Variants in ZBBX observed in about 807,000 individuals in gnomAD.
ZBBX encodes zinc finger B-box domain-containing protein 1.
Under a neutral mutation model 108.5 loss-of-function variants are expected in ZBBX, and 101 were observed. The ratio of observed to expected loss-of-function variants is 0.93; its 90% CI spans 0.79 to 1.10. The LOEUF (loss-of-function observed/expected upper bound fraction) is 1.10, where lower values mean the gene tolerates loss of function less well. Among genes scored for constraint, ZBBX ranks in the 50% least tolerant of loss-of-function variants. The probability of loss-of-function intolerance (pLI) is 0.00; values close to 1 mark genes in which losing one functional copy is unlikely to be tolerated. For missense variants in ZBBX, 1,009 were observed against 941.4 expected (o/e 1.07, Z -0.94); for synonymous variants, 356 against 323.4 (o/e 1.10, Z -1.08).
At chr3:167,261,260 G>C (rs868494600) in intron 20 of ZBBX, among the ~76,000 whole-genome samples, 1 of 151,960 alleles carries the variant, frequency 6.6e-6, no homozygotes, top group African/African-American at 2.4e-5. Context: ...ACTCTGTGAG[G>C]TTCTTAGCTT....
chr3:167,327,837 C>G, intron 11 of ZBBX, 105 bp downstream of exon 11: 1 of 1,126,006 alleles, frequency 8.9e-7, no homozygotes, highest in South Asian at 1.7e-5. Flanking sequence ...TTACTTGAAC[C>G]CGGAAGGTGG....
At chr3:167,245,112 C>T (rs1721323451) in intron 20 of ZBBX, among the ~76,000 whole-genome samples, 1 of 152,128 alleles carries the variant, frequency 6.6e-6, no homozygotes, top group South Asian at 2.1e-4. Flanking sequence ...TATCTACATC[C>T]TAATATTAAA....
intron 17 of ZBBX, among the ~76,000 whole-genome samples, chr3:167,304,542 G>C (rs940578226): frequency 2.0e-5 from 3 of 152,076 alleles, no homozygotes; most frequent in Admixed American, 2.0e-4. Flanking sequence ...ACTTACTTCT[G>C]TCAGATACAT....
intron 11 of ZBBX, among the ~76,000 whole-genome samples, chr3:167,322,684 C>G (rs1159912687): frequency 1.3e-5 from 2 of 152,002 alleles, no homozygotes; most frequent in Non-Finnish European, 2.9e-5. Context: ...AAATTTATAT[C>G]TACATGGTAA....
downstream of ZBBX, among the ~76,000 whole-genome samples, chr3:167,238,918 T>TG (rs1229848535): frequency 3.9e-5 from 6 of 152,284 alleles, no homozygotes; most frequent in African/African-American, 1.4e-4. Flanking sequence ...CTGGCTGTAT[T>TG]GGGTTCTCCA....
At position 167,319,658 on chromosome 3, in the gene ZBBX, A is replaced by G. The variant is rs184009040; in HGVS notation, c.984-2061T>C. 1.7e-3 allele frequency among the ~76,000 whole-genome samples: 259 copies of G among 152,120 alleles called. 1 individual carries two copies. The highest frequency in any genetic ancestry group is 6.0e-3 in the African/African-American group (248 of 41,540). ...GCTACAGATAAAAGCATGACACACA[A>G]AGACTGTACTCTAGGTGGAAAATTT... On this transcript the variant is annotated intron_variant, in intron 12 of 21. Transcript: ENST00000675490.
Position 167,277,513 on chromosome 3 carries a change from T to C in ZBBX, c.2254+4725A>G, listed in dbSNP as rs542339479. Among the ~76,000 whole-genome samples the C allele has an allele frequency of 1.4e-4, 22 of 152,240 alleles. No individual in the cohort carries two copies. The South Asian group carries it at 4.6e-3, about 32-fold the overall frequency. On this transcript the variant is annotated intron_variant, in intron 20 of 21. Transcript: ENST00000675490. ...AAAAGAGACAAAGAAGGCCATTACA[T>C]AATGGTAAAGGGATCAATTCAACAA...
chr3:167,212,414 C>A, the ZBBX span, among the ~76,000 whole-genome samples: 1 of 152,168 alleles, frequency 6.6e-6, no homozygotes, highest in East Asian at 1.9e-4. Context: ...TCTGCCACTG[C>A]CTCTGCAGTG....
At chr3:167,215,714 G>A in the ZBBX span, among the ~76,000 whole-genome samples, 67 of 152,136 alleles carry the variant, frequency 4.4e-4, no homozygotes, top group African/African-American at 1.3e-3. Context: ...CATGAACATC[G>A]ATGCAAAAAT....
chr3:167,191,896 C>CATATACATATAT, the ZBBX span, among the ~76,000 whole-genome samples: 1 of 67,950 alleles, frequency 1.5e-5, no homozygotes, highest in East Asian at 9.1e-4. Flanking sequence ...TTACAAAAAT[C>CATATACATATAT]ATATATATAT....
At chr3:167,381,593 G>T (rs1385896683), upstream of ZBBX, among the ~76,000 whole-genome samples, 1 of 152,112 alleles carries the variant, frequency 6.6e-6, no homozygotes, top group Non-Finnish European at 1.5e-5. Flanking sequence ...AGTTTCAGGT[G>T]GATGTGCGAT....
intron 1 of ZBBX, among the ~76,000 whole-genome samples, chr3:167,396,700 C>A (rs187217934): frequency 6.6e-6 from 1 of 151,916 alleles, no homozygotes; most frequent in East Asian, 1.9e-4. Context: ...GATAATGACA[C>A]CCTAATGTCT....
intron 1 of ZBBX, chr3:167,399,636 T>C (rs1350561074): frequency 2.6e-5 from 4 of 152,144 alleles, no homozygotes; most frequent in African/African-American, 9.7e-5. Context: ...TGCAAGGTCA[T>C]GGAGGTAAGA....
At chr3:167,376,771 T>G (rs1747026964) in intron 2 of ZBBX, among the ~76,000 whole-genome samples, 2 of 152,182 alleles carry the variant, frequency 1.3e-5, no homozygotes, top group Non-Finnish European at 2.9e-5. Context: ...ATATTTTATC[T>G]AGTCACCTAC....
At chr3:167,386,695 C>T (rs895180745) in intron 1 of ZBBX, among the ~76,000 whole-genome samples, 1 of 151,950 alleles carries the variant, frequency 6.6e-6, no homozygotes, top group Non-Finnish European at 1.5e-5. Flanking sequence ...AAAAGCTCAT[C>T]TTAAAAAGAA....
chr3:167,281,855 A>T (rs918299211), intron 20 of ZBBX, among the ~76,000 whole-genome samples: 1 of 152,198 alleles, frequency 6.6e-6, no homozygotes, highest in Non-Finnish European at 1.5e-5. Context: ...GCACTGCTTT[A>T]AAAGATCTAA....
At chr3:167,386,361 G>A (rs1488291733) in intron 1 of ZBBX, among the ~76,000 whole-genome samples, 1 of 151,912 alleles carries the variant, frequency 6.6e-6, no homozygotes, top group Non-Finnish European at 1.5e-5. Flanking sequence ...AGAGAACCCT[G>A]ACTTAAATGA....
At chr3:167,285,627 A>G (rs1277671275) in intron 19 of ZBBX, among the ~76,000 whole-genome samples, 2 of 152,186 alleles carry the variant, frequency 1.3e-5, no homozygotes, top group South Asian at 2.1e-4. Context: ...TACAAAATTC[A>G]GGAACTGGAT....
intron 20 of ZBBX, 51 bp from the exon 21 acceptor site, chr3:167,242,694 T>C (rs372050245): frequency 3.9e-6 from 6 of 1,536,914 alleles, no homozygotes; most frequent in African/African-American, 1.4e-5. Flanking sequence ...AAGAAACAAA[T>C]ATACAGCATA....
Sources: gnomAD v4.1 joint callset for allele counts (sites outside exome capture counted in the v4.1 genomes callset) on GRCh38, gnomAD v4.1.1 for gene constraint, MANE v1.5 for transcripts, NCBI Gene and HGNC (gene_info 2026-07-23, HGNC 2026-07-21) for gene names.